ADK: variants seen among roughly 807,000 people sequenced by gnomAD.
The protein encoded by ADK is adenosine kinase, also known as N6,N6-dimethyladenosine kinase.
In ADK, 24 loss-of-function variants were observed where a neutral mutation model predicts 44.7. The observed-to-expected ratio is 0.54, with a 90% confidence interval of 0.39 to 0.76. ADK has a LOEUF of 0.76. Among genes scored for constraint, ADK ranks in the 30% least tolerant of loss-of-function variants. The pLI is 0.00. For synonymous variants in ADK, 128 were observed against 142.6 expected (o/e 0.90, Z 0.73); for missense variants, 321 against 425.1 (o/e 0.76, Z 2.15).
At chr10:74,631,805 A>G (rs1853434819) in intron 9 of ADK, among the ~76,000 whole-genome samples, 3 of 152,196 alleles carry the variant, frequency 2.0e-5, no homozygotes, top group Admixed American at 2.0e-4. Context: ...AGAACTATTC[A>G]CAAAGATAGA....
intron 6 of ADK, among the ~76,000 whole-genome samples, chr10:74,447,859 A>C (rs1845638400): frequency 1.3e-5 from 2 of 152,178 alleles, no homozygotes; most frequent in Non-Finnish European, 1.5e-5. Flanking sequence ...TACAAAGTAC[A>C]AAAGAAAAAG....
At chr10:74,211,055 T>C (rs1236538267) in intron 2 of ADK, among the ~76,000 whole-genome samples, 7 of 152,182 alleles carry the variant, frequency 4.6e-5, no homozygotes, top group African/African-American at 1.4e-4. Flanking sequence ...TGGCTAATTT[T>C]TGTATTTTTA....
At chr10:74,300,931 A>G (rs560925064) in intron 3 of ADK, among the ~76,000 whole-genome samples, 2 of 152,322 alleles carry the variant, frequency 1.3e-5, no homozygotes, top group Non-Finnish European at 2.9e-5. Context: ...TAACTTCTTT[A>G]TTTCAAAATC....
chr10:74,567,427 T>TGGAC (rs1850709895), intron 7 of ADK, among the ~76,000 whole-genome samples: 2 of 152,212 alleles, frequency 1.3e-5, no homozygotes, highest in South Asian at 4.1e-4. Context: ...CATAGTTAAA[T>TGGAC]AAATTAAATC....
At chr10:74,240,516 G>C (rs997020726) in intron 3 of ADK, among the ~76,000 whole-genome samples, 7 of 150,376 alleles carry the variant, frequency 4.7e-5, no homozygotes, top group Admixed American at 1.3e-4. Flanking sequence ...TATGCTCTCA[G>C]GAGTTAAGAC....
intron 3 of ADK, among the ~76,000 whole-genome samples, chr10:74,257,001 TAA>T (rs917622139): frequency 6.1e-4 from 93 of 152,288 alleles, no homozygotes; most frequent in African/African-American, 2.0e-3. Context: ...TTACTGCAAC[TAA>T]GAGTCATTTT....
In ADK at chr10:74,459,280, C is replaced by CA. The variant is rs1033294145; in HGVS notation, c.555+60715dup. On this transcript the variant is annotated intron_variant, in intron 6 of 10. Transcript: ENST00000539909. ...TGGGCAACAGAACGAGACCTCATCT[C>CA]AAAAAAAAAAAAAATTTATTTCCAA... 3.1e-3 allele frequency among the ~76,000 whole-genome samples: 356 copies of CA among 115,638 alleles called. 2 individuals carry two copies. Among genetic ancestry groups the CA allele is most frequent in the Middle Eastern group, 0.015 (3 of 198 alleles). The allele number at this position is 115,638 out of a possible 152,430, so 75.9% of individuals were successfully genotyped here.
intron 1 of ADK, among the ~76,000 whole-genome samples, chr10:74,157,648 G>T (rs1433413633): frequency 6.6e-6 from 1 of 151,754 alleles, no homozygotes; most frequent in African/African-American, 2.4e-5. Flanking sequence ...GGAGGCCAAG[G>T]CGGGCAGATC....
chr10:74,700,997 C>T (rs1856400315), intron 10 of ADK, among the ~76,000 whole-genome samples: 1 of 152,186 alleles, frequency 6.6e-6, no homozygotes, highest in African/African-American at 2.4e-5. Context: ...ATGCTGAACA[C>T]AGTATTTGAC....
At chr10:74,417,320 A>G (rs1017076053) in intron 6 of ADK, among the ~76,000 whole-genome samples, 2 of 152,126 alleles carry the variant, frequency 1.3e-5, no homozygotes, top group Non-Finnish European at 2.9e-5. Context: ...ATAACGGAAG[A>G]CTTTTTAAGG....
chr10:74,569,575 C>A (rs1850850672), intron 7 of ADK, among the ~76,000 whole-genome samples: 1 of 152,154 alleles, frequency 6.6e-6, no homozygotes, highest in Admixed American at 6.5e-5. Flanking sequence ...AAAATGTCTT[C>A]TTTTGAGAAG....
At chr10:74,311,082 C>T (rs894722209) in intron 3 of ADK, among the ~76,000 whole-genome samples, 5 of 152,028 alleles carry the variant, frequency 3.3e-5, no homozygotes, top group African/African-American at 1.2e-4. Context: ...TATAAAAGAG[C>T]CATAATTGTT....
At chr10:74,699,803 T>C (rs907031186) in intron 10 of ADK, among the ~76,000 whole-genome samples, 1 of 152,244 alleles carries the variant, frequency 6.6e-6, no homozygotes, top group Non-Finnish European at 1.5e-5. Context: ...CAGCTTCACT[T>C]AATAAGAGAA....
chr10:74,468,212 G>A (rs1046112538), intron 6 of ADK, among the ~76,000 whole-genome samples: 6 of 152,082 alleles, frequency 3.9e-5, no homozygotes, highest in East Asian at 1.9e-4. Context: ...CACTGTTTTC[G>A]TAAAGACAAA....
In ADK at chr10:74,525,285, A is replaced by G; in HGVS notation, c.585A>G (p.Ser195=). The stretch of plus-strand genomic sequence containing the variant: ...TTTTTCTTACAGTTTCCCCAGAGTC[A>G]GTATTAAAGGTGGCTCACCATGCTT... The part of the protein sequence containing the change: ...AGFFLTVSPE[S]VLKVAHHASE... Residue 195 remains serine (S), a synonymous_variant, in exon 7 of 11, where the codon TCA becomes TCG. Transcript: ENST00000539909. The G allele has an allele frequency of 6.2e-7, 1 of 1,613,858 alleles. No homozygotes were observed. Among genetic ancestry groups the G allele is most frequent in the Non-Finnish European group, 8.5e-7 (1 of 1,179,888 alleles).
intron 9 of ADK, among the ~76,000 whole-genome samples, chr10:74,626,531 G>A (rs1023251226): frequency 1.3e-5 from 2 of 152,086 alleles, no homozygotes; most frequent in Admixed American, 6.6e-5. Context: ...TTCAACTCTT[G>A]ACCTCAAGTG....
chr10:74,232,044 T>G (rs145783841), intron 3 of ADK, among the ~76,000 whole-genome samples: 312 of 152,146 alleles, frequency 2.1e-3, no homozygotes, highest in African/African-American at 7.0e-3. Flanking sequence ...ATTGAGATCA[T>G]TTCAGGCTTA....
At chr10:74,491,080 A>G (rs1007099362) in intron 6 of ADK, among the ~76,000 whole-genome samples, 7 of 152,156 alleles carry the variant, frequency 4.6e-5, no homozygotes, top group African/African-American at 1.7e-4. Flanking sequence ...GTTAGGTTTT[A>G]TATACAGCCA....
intron 1 of ADK, among the ~76,000 whole-genome samples, chr10:74,182,811 A>C (rs1842610026): frequency 6.6e-6 from 1 of 152,210 alleles, no homozygotes. Context: ...CAAAGATAAA[A>C]CTTGAACCAA....
Sources: allele counts gnomAD v4.1 joint callset (sites outside exome capture counted in the v4.1 genomes callset), GRCh38; gene constraint gnomAD v4.1.1; transcripts MANE v1.5; gene names NCBI Gene and HGNC (gene_info 2026-07-23, HGNC 2026-07-21).